The following COL4A6 variants were observed in gnomAD, a reference collection of about 807,000 sequenced individuals.
COL4A6 encodes collagen alpha-6(IV) chain.
In COL4A6, 59 loss-of-function variants were observed where a neutral mutation model predicts 126.7. The observed-to-expected ratio is 0.47, with a 90% CI of 0.38 to 0.58. The LOEUF (loss-of-function observed/expected upper bound fraction) is 0.58. Ranked by LOEUF, COL4A6 falls within the 20% of genes least tolerant of loss-of-function variation. The pLI is 0.00. For missense variants in COL4A6, 1,285 were observed against 1,337.3 expected, an observed-to-expected ratio of 0.96 and a Z score of 0.61; for synonymous variants, 547 against 496.6, an observed-to-expected ratio of 1.10 and a Z score of -1.35.
chrX:108,329,306 T>C (rs1057226319), intron 2 of COL4A6, among the ~76,000 whole-genome samples: 5 of 111,864 alleles, frequency 4.5e-5, no homozygotes, highest in Non-Finnish European at 9.4e-5. Flanking sequence ...AATTTATATA[T>C]GTATGGAAAC....
At chrX:108,174,654 C>A in intron 30 of COL4A6, 33 bp from the exon 31 acceptor site, 1 of 1,125,671 alleles carries the variant, frequency 8.9e-7, no homozygotes, top group Non-Finnish European at 1.2e-6. Flanking sequence ...TGGAAAAAGA[C>A]ACTGGGCAAG....
At chrX:108,342,689 T>C (rs1243604258) in intron 2 of COL4A6, among the ~76,000 whole-genome samples, 1 of 111,838 alleles carries the variant, frequency 8.9e-6, no homozygotes, top group Non-Finnish European at 1.9e-5. Flanking sequence ...ATTGCAGGCA[T>C]CTTTTGCTAA....
rs185962695 is a variant in COL4A6, at chrX:108,393,669, C to T, written c.63+44273G>A. Among the ~76,000 whole-genome samples, 113 of 112,320 alleles carry T rather than the reference C, an allele frequency of 1.0e-3. 2 individuals are homozygous for T. The highest frequency in any genetic ancestry group is 8.9e-3 in the Admixed American group (94 of 10,602). On this transcript the variant is annotated intron_variant, in intron 2 of 44. Transcript: ENST00000334504. Reference sequence around the variant, plus strand: ...GAATTACATCTCAATAAAGCTGTCACCAAATAACTATAAAGTCATAGCATG... The same window carrying T: ...GAATTACATCTCAATAAAGCTGTCATCAAATAACTATAAAGTCATAGCATG...
At chrX:108,380,094 A>T (rs889129269) in intron 2 of COL4A6, among the ~76,000 whole-genome samples, 2 of 112,507 alleles carry the variant, frequency 1.8e-5, no homozygotes, top group African/African-American at 6.5e-5. Flanking sequence ...CTTCAGCAGG[A>T]GAGTTTTTGC....
intron 14 of COL4A6, among the ~76,000 whole-genome samples, chrX:108,195,987 A>G (rs144953807): frequency 7.8e-4 from 87 of 112,020 alleles, no homozygotes; most frequent in Middle Eastern, 9.3e-3. Context: ...GCCCGAAGCT[A>G]GGAATCAGAG....
intron 8 of COL4A6, 87 bp downstream of exon 8, chrX:108,209,882 C>T: frequency 9.6e-7 from 1 of 1,039,928 alleles, no homozygotes; most frequent in South Asian, 2.1e-5. Flanking sequence ...TCTACAAAGA[C>T]CTTAGAACAT....
chrX:108,364,325 A>T (rs1187207151), intron 2 of COL4A6, among the ~76,000 whole-genome samples: 1 of 109,292 alleles, frequency 9.1e-6, no homozygotes, highest in Non-Finnish European at 1.9e-5. Flanking sequence ...ATCACCGAGA[A>T]CTCCCCATTG....
rs182471137 is a variant in COL4A6, at chrX:108,426,551, G to C, written c.63+11391C>G. The stretch of plus-strand genomic sequence containing the variant: ...GCAGGTCTCTACAGGAAATCACAAA[G>C]GTAGGGCAGCAGAGGTAGAAGTGGC... On this transcript the variant is annotated intron_variant, in intron 2 of 44. Coordinates refer to ENST00000334504, the MANE Select transcript of COL4A6 (RefSeq NM_033641.4). Among the ~76,000 whole-genome samples, 5 of 111,933 alleles carry C rather than the reference G, an allele frequency of 4.5e-5. 1 individual carries two copies. In the East Asian group the frequency reaches 1.4e-3, roughly 31 times the overall value.
intron 23 of COL4A6, chrX:108,183,638 G>T: frequency 3.1e-6 from 2 of 648,795 alleles, no homozygotes; most frequent in South Asian, 1.8e-4. Flanking sequence ...AGGCCATCGT[G>T]ACTGTCTGAG....
chrX:108,168,087 T>C (rs2034188618), intron 37 of COL4A6, among the ~76,000 whole-genome samples: 1 of 112,754 alleles, frequency 8.9e-6, no homozygotes, highest in Admixed American at 9.4e-5. Flanking sequence ...GTTTTTTGTT[T>C]AGTGCTATGT....
chrX:108,232,865 C>T (rs980285366), intron 3 of COL4A6, among the ~76,000 whole-genome samples: 7 of 111,138 alleles, frequency 6.3e-5, no homozygotes, highest in African/African-American at 2.3e-4. Context: ...AGAAAAAACT[C>T]GAATAACCAA....
chrX:108,343,161 A>G (rs867747122), intron 2 of COL4A6, among the ~76,000 whole-genome samples: 5,710 of 54,979 alleles, frequency 0.1, 412 homozygotes, highest in East Asian at 0.35. Context: ...ATATATATAT[A>G]TATAGTGTGT....
At chrX:108,420,655 C>T in intron 2 of COL4A6, among the ~76,000 whole-genome samples, 1 of 111,782 alleles carries the variant, frequency 8.9e-6, no homozygotes, top group Non-Finnish European at 1.9e-5. Flanking sequence ...CTGTTACTGG[C>T]ATCTAATAGT....
intron 3 of COL4A6, chrX:108,267,882 T>G (rs1268881309): frequency 8.9e-6 from 1 of 112,883 alleles, no homozygotes; most frequent in Non-Finnish European, 1.9e-5. Flanking sequence ...CTTTAGTAAG[T>G]CTTTCCAAAG....
chrX:108,318,766 G>C (rs1008904526), intron 2 of COL4A6, among the ~76,000 whole-genome samples: 7 of 112,345 alleles, frequency 6.2e-5, no homozygotes, highest in Non-Finnish European at 9.4e-5. Context: ...TCATGGGTAG[G>C]AAGAATCAAT....
chrX:108,383,485 C>T (rs919065200), intron 2 of COL4A6: 13 of 443,274 alleles, frequency 2.9e-5, no homozygotes, highest in Admixed American at 2.7e-4. Context: ...CCCCAGAAGC[C>T]TGAGGAAGAT....
intron 13 of COL4A6, among the ~76,000 whole-genome samples, chrX:108,200,023 G>A (rs1237212884): frequency 8.9e-6 from 1 of 111,995 alleles, no homozygotes; most frequent in Non-Finnish European, 1.9e-5. Flanking sequence ...AGATAAGCCT[G>A]GCTCACCTTG....
intron 8 of COL4A6, among the ~76,000 whole-genome samples, chrX:108,208,670 C>G (rs771842643): frequency 3.9e-4 from 43 of 111,347 alleles, no homozygotes; most frequent in South Asian, 1.5e-3. Flanking sequence ...AGTGAAATCA[C>G]AAGAGAAAAA....
intron 3 of COL4A6, among the ~76,000 whole-genome samples, chrX:108,266,370 G>A (rs2037303228): frequency 1.8e-5 from 2 of 111,548 alleles, no homozygotes; most frequent in Non-Finnish European, 3.8e-5. Context: ...AGCTAGTAAT[G>A]CTTAAATCTT....
Sources: gnomAD v4.1 joint callset for allele counts (sites outside exome capture counted in the v4.1 genomes callset) on GRCh38, gnomAD v4.1.1 for gene constraint, MANE v1.5 for transcripts, NCBI Gene and HGNC (gene_info 2026-07-23, HGNC 2026-07-21) for gene names.